MATR3: variants seen among roughly 807,000 people sequenced by gnomAD.
MATR3 encodes the protein matrin 3.
In MATR3, 4 loss-of-function variants were observed where a neutral mutation model predicts 85.5. The observed-to-expected ratio is 0.05, with a 90% CI of 0.02 to 0.11. The LOEUF (loss-of-function observed/expected upper bound fraction) is 0.11, where lower values mean the gene tolerates loss of function less well. Ranked by LOEUF, MATR3 falls within the 10% of genes least tolerant of loss-of-function variation. MATR3 has a pLI of 1.00. For missense variants in MATR3, 685 were observed against 1,016.1 expected (o/e 0.67, Z 4.43); for synonymous variants, 336 against 343.1 (o/e 0.98, Z 0.23).
chr5:139,295,244 CAAG>C (rs1370724455), intron 1 of MATR3, among the ~76,000 whole-genome samples: 1 of 152,126 alleles, frequency 6.6e-6, no homozygotes, highest in Non-Finnish European at 1.5e-5. Context: ...TTTTAAAAAT[CAAG>C]AAAGGCTTGA....
intron 14 of MATR3, among the ~76,000 whole-genome samples, 183 bp downstream of exon 14, chr5:139,326,467 T>TTGGA (rs1443422277): frequency 1.3e-5 from 2 of 151,810 alleles, no homozygotes; most frequent in African/African-American, 4.8e-5. Flanking sequence ...GTTGCCCAGG[T>TTGGA]TGGATTGCAA....
chr5:139,300,591 T>C (rs2151941853), intron 1 of MATR3, among the ~76,000 whole-genome samples: 1 of 152,324 alleles, frequency 6.6e-6, no homozygotes, highest in Non-Finnish European at 1.5e-5. Flanking sequence ...GAGGATCAGA[T>C]TATACCAAAT....
chr5:139,290,144 G>A (rs998919944), upstream of MATR3, among the ~76,000 whole-genome samples: 1 of 151,172 alleles, frequency 6.6e-6, no homozygotes. Flanking sequence ...AAGGATTGGC[G>A]CTCAGGCCTC....
At chr5:139,281,344 G>GTT (rs1276759606) in intron 3 of MATR3, among the ~76,000 whole-genome samples, 6 of 120,174 alleles carry the variant, frequency 5.0e-5, no homozygotes, top group Admixed American at 8.6e-5. Context: ...CCTCGAAGTA[G>GTT]TTTTTTTTTT....
chr5:139,314,722 GCTT>G lies in MATR3; in HGVS notation c.967_969del (p.Leu323del), dbSNP rs750077737. 2.5e-6 allele frequency: 4 copies of G among 1,613,708 alleles called. No homozygotes were observed. The highest frequency in any genetic ancestry group is 2.5e-6 in the Non-Finnish European group (3 of 1,179,756). On this transcript the variant is annotated inframe_deletion, in exon 3 of 15. Coordinates refer to ENST00000394805, the MANE Select transcript of MATR3 (RefSeq NM_018834.6). ...GAGCAAGTCACAGTCGTCGATGCCA[GCTT>G]CTTCTTGAAATGTAGGAGTTTGAAA...
rs1313317054 is a variant in MATR3, at chr5:139,329,435, GTTCT to G, written c.*43_*46del. On this transcript the variant is annotated 3_prime_UTR_variant, in exon 15 of 15. Transcript: ENST00000394805. ...TTTAATGATTTCAAAGAAAATAATG[GTTCT>G]TTGTTTTTAATGTTAACCTTTTTTA... 26 of 1,519,996 alleles carry G rather than the reference GTTCT, an allele frequency of 1.7e-5. No individual in the cohort carries two copies. Among genetic ancestry groups the G allele is most frequent in the Admixed American group, 6.7e-5 (4 of 59,732 alleles). 94.2% of individuals were successfully genotyped at this position (1,519,996 alleles called of 1,614,324 possible). A position where few individuals can be genotyped will look rare whatever the true frequency, so the allele number is the denominator to read the frequency against.
At chr5:139,299,133 G>A (rs995204630) in intron 1 of MATR3, among the ~76,000 whole-genome samples, 2 of 152,050 alleles carry the variant, frequency 1.3e-5, no homozygotes, top group Non-Finnish European at 2.9e-5. Flanking sequence ...GTTTTGTTTC[G>A]TATTTTTATA....
At chr5:139,322,384 A>G in intron 10 of MATR3, 79 bp from the exon 11 acceptor site, 3 of 1,291,740 alleles carry the variant, frequency 2.3e-6, no homozygotes, top group Non-Finnish European at 3.4e-6. Flanking sequence ...GATTATAGGG[A>G]TTGTCTCCAA....
At chr5:139,325,187 C>T (rs893267625) in intron 12 of MATR3, 19 of 1,422,294 alleles carry the variant, frequency 1.3e-5, no homozygotes, top group East Asian at 1.2e-4. Context: ...AGCAAGACTC[C>T]GTCTCAAAAA....
intron 6 of MATR3, 117 bp from the exon 7 acceptor site, chr5:139,317,479 G>C: frequency 9.9e-7 from 1 of 1,014,864 alleles, no homozygotes; most frequent in South Asian, 1.4e-5. Flanking sequence ...AATGTTATGA[G>C]TTGTTTTACT....
At position 139,325,609 on chromosome 5, in the gene MATR3, A is replaced by G. The variant is rs368217486; in HGVS notation, c.2318A>G (p.Tyr773Cys). ...CAAAGTGATGAGAACAAGGACGACTATACAATCCCAGATGAGTATAGAATT... is the reference window on the plus strand; with the variant it reads ...CAAAGTGATGAGAACAAGGACGACTGTACAATCCCAGATGAGTATAGAATT... The part of the protein sequence containing the change: ...DGQSDENKDD[Y>C]TIPDEYRIGP... Residue 773 changes from tyrosine to cysteine, a missense_variant, in exon 13 of 15, where the codon TAT becomes TGT. This residue lies in a region of MATR3 where 215 missense variants were observed against 194.7 expected (regional missense o/e 1.10). Transcript: ENST00000394805. 78 of 1,614,112 alleles carry G rather than the reference A, an allele frequency of 4.8e-5. No individual in the cohort carries two copies. The highest frequency in any genetic ancestry group is 3.1e-4 in the African/African-American group (23 of 74,928).
chr5:139,276,111 T>G (rs760363587), intron 1 of MATR3: 2 of 456,630 alleles, frequency 4.4e-6, no homozygotes, highest in African/African-American at 4.0e-5. Flanking sequence ...CTGGAGTTGT[T>G]TCATTGCAGA....
intron 1 of MATR3, among the ~76,000 whole-genome samples, chr5:139,274,803 C>T (rs1408708350): frequency 6.6e-6 from 1 of 151,564 alleles, no homozygotes; most frequent in Non-Finnish European, 1.5e-5. Context: ...GGCGTGGTGT[C>T]GCACGCCTGA....
chr5:139,319,207 A>G, intron 8 of MATR3, 127 bp from the exon 9 acceptor site: 1 of 1,283,518 alleles, frequency 7.8e-7, no homozygotes, highest in Non-Finnish European at 1.1e-6. Context: ...AGTTCCAGGC[A>G]AGCCTGGGCA....
chr5:139,285,876 A>C (rs181693145), intron 3 of MATR3, among the ~76,000 whole-genome samples: 1 of 152,312 alleles, frequency 6.6e-6, no homozygotes, highest in Non-Finnish European at 1.5e-5. Context: ...CAGAGGAAAA[A>C]AAAATGAAAA....
At chr5:139,316,749 C>T (rs908817311) in intron 5 of MATR3, among the ~76,000 whole-genome samples, 12 of 151,936 alleles carry the variant, frequency 7.9e-5, no homozygotes, top group Admixed American at 2.0e-4. Flanking sequence ...AGGGGTTTCG[C>T]GGTGTTGCCC....
At chr5:139,308,636 T>C (rs1171507930) in intron 2 of MATR3, among the ~76,000 whole-genome samples, 5 of 152,234 alleles carry the variant, frequency 3.3e-5, no homozygotes, top group Non-Finnish European at 7.3e-5. Flanking sequence ...GTCTGCTTTG[T>C]TGAATTGTTT....
chr5:139,322,351 A>T, intron 10 of MATR3, 112 bp from the exon 11 acceptor site: 1 of 997,144 alleles, frequency 1.0e-6, no homozygotes, highest in South Asian at 1.3e-5. Flanking sequence ...AAATAAGGTT[A>T]CGGGAATTGA....
chr5:139,283,622 C>G (rs1204040489), intron 3 of MATR3: 1 of 152,234 alleles, frequency 6.6e-6, no homozygotes, highest in African/African-American at 2.4e-5. Context: ...ATAATCTGTG[C>G]TAATTACTTA....
Sources: gnomAD v4.1 joint callset for allele counts (sites outside exome capture counted in the v4.1 genomes callset) on GRCh38, gnomAD v4.1.1 for gene constraint, gnomAD v4.1.1 regional missense constraint, MANE v1.5 for transcripts, NCBI Gene and HGNC (gene_info 2026-07-23, HGNC 2026-07-21) for gene names.